Variants in ATP10B observed in about 807,000 individuals in gnomAD.
The protein encoded by ATP10B is ATPase phospholipid transporting 10B (putative).
In ATP10B, 122 loss-of-function variants were observed where a neutral mutation model predicts 141.2. The observed-to-expected ratio is 0.86, with a 90% CI of 0.75 to 1.00. The LOEUF is 1.00. Ranked by LOEUF, ATP10B falls within the 50% of genes least tolerant of loss-of-function variation. The pLI is 0.00. For missense variants in ATP10B, 1,876 were observed against 1,825.3 expected (o/e 1.03, Z -0.51); for synonymous variants, 685 against 692.0 (o/e 0.99, Z 0.16).
chr5:160,606,741 C>A (rs773478332), intron 19 of ATP10B, 24 bp downstream of exon 19: 10 of 1,598,640 alleles, frequency 6.3e-6, no homozygotes, highest in Admixed American at 5.1e-5. Flanking sequence ...CAAAGTGCCA[C>A]CCGCATCTCA....
At chr5:160,840,475 A>C in intron 1 of ATP10B, among the ~76,000 whole-genome samples, 1 of 152,114 alleles carries the variant, frequency 6.6e-6, no homozygotes, top group East Asian at 1.9e-4. Flanking sequence ...TCTTTTAAAT[A>C]AATGATGTTG....
At chr5:160,918,444 T>A in the ATP10B span, among the ~76,000 whole-genome samples, 25 of 152,232 alleles carry the variant, frequency 1.6e-4, no homozygotes, top group Non-Finnish European at 2.5e-4. Context: ...AGGAAGAGCA[T>A]CTGAATGGAG....
chr5:160,608,807 G>A (rs181789009), intron 18 of ATP10B, among the ~76,000 whole-genome samples: 2 of 152,160 alleles, frequency 1.3e-5, no homozygotes, highest in Non-Finnish European at 2.9e-5. Flanking sequence ...ATTTCTTTAA[G>A]TTCTTTGTAG....
At chr5:160,880,085 C>T in the ATP10B span, among the ~76,000 whole-genome samples, 5 of 149,136 alleles carry the variant, frequency 3.4e-5, no homozygotes, top group African/African-American at 9.8e-5. Context: ...TAGAATATAT[C>T]ATCTATGTGA....
chr5:160,709,347 T>C lies in ATP10B; in HGVS notation c.-205+7562A>G, dbSNP rs114002132. On this transcript the variant is annotated intron_variant, in intron 3 of 25. Coordinates refer to ENST00000327245, the MANE Select transcript of ATP10B (RefSeq NM_025153.3). ...TTTGTAACATTATTAGATACACAAA[T>C]TTGAAAAGGAAAAGATAACTCAATG... 1.0e-2 allele frequency among the ~76,000 whole-genome samples: 1,520 copies of C among 152,168 alleles called. 25 individuals are homozygous for C. The highest frequency in any genetic ancestry group is 0.035 in the African/African-American group (1,454 of 41,522).
At position 160,813,419 on chromosome 5, in the gene ATP10B, A is replaced by G. The variant is rs539973129; in HGVS notation, c.-575-27616T>C. Reference sequence around the variant, plus strand: ...GCAGTCTAAGATCAAACTGCAAGGCAGCAGTGAGGCTGGGGGAAGGGCACC... The same window carrying G: ...GCAGTCTAAGATCAAACTGCAAGGCGGCAGTGAGGCTGGGGGAAGGGCACC... On this transcript the variant is annotated intron_variant, in intron 1 of 25. Transcript: ENST00000327245. 7.0e-3 allele frequency among the ~76,000 whole-genome samples: 1,062 copies of G among 152,338 alleles called. 17 individuals carry two copies. The highest frequency in any genetic ancestry group is 0.024 in the African/African-American group (1,001 of 41,582).
intron 7 of ATP10B, among the ~76,000 whole-genome samples, chr5:160,668,995 C>G (rs1168064873): frequency 6.6e-6 from 1 of 152,238 alleles, no homozygotes; most frequent in African/African-American, 2.4e-5. Flanking sequence ...AAACTGCACT[C>G]TAGCTCATGA....
intron 1 of ATP10B, among the ~76,000 whole-genome samples, chr5:160,845,858 A>T (rs1423587839): frequency 1.3e-5 from 2 of 152,192 alleles, no homozygotes. Flanking sequence ...TAAATAAAAA[A>T]CATTAAAAAA....
At chr5:160,598,151 T>C (rs1467790165) in intron 22 of ATP10B, among the ~76,000 whole-genome samples, 1 of 150,898 alleles carries the variant, frequency 6.6e-6, no homozygotes, top group Non-Finnish European at 1.5e-5. Flanking sequence ...TGTCCAACAA[T>C]GATAGACTGG....
At chr5:160,734,436 TAG>T (rs1766968666) in intron 2 of ATP10B, among the ~76,000 whole-genome samples, 1 of 152,084 alleles carries the variant, frequency 6.6e-6, no homozygotes, top group Admixed American at 6.5e-5. Context: ...CATGTAACAA[TAG>T]AACAAAGTAT....
At chr5:160,758,109 A>G (rs746808866) in intron 2 of ATP10B, among the ~76,000 whole-genome samples, 3 of 152,194 alleles carry the variant, frequency 2.0e-5, no homozygotes, top group Non-Finnish European at 4.4e-5. Flanking sequence ...AATTACCAAT[A>G]GTAGAATTAA....
intron 1 of ATP10B, among the ~76,000 whole-genome samples, chr5:160,838,834 T>G (rs1775635250): frequency 6.6e-6 from 1 of 152,154 alleles, no homozygotes; most frequent in Non-Finnish European, 1.5e-5. Context: ...TGGGACCTGG[T>G]GGAAGGTGAT....
At chr5:160,761,030 G>A (rs530708300) in intron 2 of ATP10B, among the ~76,000 whole-genome samples, 3 of 152,198 alleles carry the variant, frequency 2.0e-5, no homozygotes, top group South Asian at 2.1e-4. Context: ...CCAGCGTAGG[G>A]TAAGATTATA....
Position 160,801,463 on chromosome 5 carries a change from A to G in ATP10B, c.-575-15660T>C, listed in dbSNP as rs114250117. On this transcript the variant is annotated intron_variant, in intron 1 of 25. Transcript: ENST00000327245. ...GCTCTTACTACAAAATGGCAATCAC[A>G]TATTTATTTTGTGCAAATTCCATCT... 3.8e-3 allele frequency among the ~76,000 whole-genome samples: 578 copies of G among 152,288 alleles called. 3 individuals are homozygous for G. Among genetic ancestry groups the G allele is most frequent in the Admixed American group, 6.9e-3 (106 of 15,294 alleles).
At chr5:160,877,468 C>G in the ATP10B span, among the ~76,000 whole-genome samples, 2 of 147,252 alleles carry the variant, frequency 1.4e-5, no homozygotes, top group African/African-American at 5.0e-5. Flanking sequence ...CCTTTGAAAA[C>G]TGGCACAAGA....
chr5:160,663,660 G>A (rs1347722143), intron 7 of ATP10B, among the ~76,000 whole-genome samples: 2 of 149,704 alleles, frequency 1.3e-5, no homozygotes, highest in African/African-American at 4.9e-5. Context: ...GAGCGGGGAG[G>A]GATAGCATTA....
At chr5:160,602,868 T>C in intron 20 of ATP10B, 166 bp from the exon 21 acceptor site, 1 of 776,954 alleles carries the variant, frequency 1.3e-6, no homozygotes, top group Non-Finnish European at 2.0e-6. Flanking sequence ...CACCCCACCC[T>C]CCCTTCTGGG....
Position 160,565,612 on chromosome 5 carries a change from C to A in ATP10B, c.4227G>T (p.Arg1409Ser). 1 of 1,614,106 alleles carries A rather than the reference C, an allele frequency of 6.2e-7. No homozygotes were observed. The highest frequency in any genetic ancestry group is 8.5e-7 in the Non-Finnish European group (1 of 1,179,978). Residue 1409 changes from arginine to serine, a missense_variant, in exon 26 of 26, where the codon AGG (arginine) becomes AGT (serine). Physicochemically the swap from Arg to Ser is moderately radical, Grantham distance 110. Transcript: ENST00000327245. The stretch of plus-strand genomic sequence containing the variant: ...AGGAGTCCCCTGAGCATGAGTCATC[C>A]CTCATGCACTCCGTGCCACATCTCT... ...HEQRCGTECM[R>S]DDSCSGDSSA...
chr5:160,687,688 C>T, intron 5 of ATP10B, 112 bp downstream of exon 5: 1 of 1,250,278 alleles, frequency 8.0e-7, no homozygotes, highest in Non-Finnish European at 1.1e-6. Context: ...TCCCTTGAAC[C>T]CAGGAGGTGA....
Sources: allele counts gnomAD v4.1 joint callset (sites outside exome capture counted in the v4.1 genomes callset), GRCh38; gene constraint gnomAD v4.1.1; transcripts MANE v1.5; gene names NCBI Gene and HGNC (gene_info 2026-07-23, HGNC 2026-07-21).